HS6ST3: variants seen among roughly 807,000 people sequenced by gnomAD.
HS6ST3 encodes the protein heparan sulfate 6-O-sulfotransferase 3.
In HS6ST3, 12 loss-of-function variants were observed where a neutral mutation model predicts 36.7. That is an observed-to-expected ratio of 0.33 (90% CI 0.21 to 0.53). The LOEUF (loss-of-function observed/expected upper bound fraction) is 0.53. HS6ST3 is among the 20% of genes least tolerant of loss of function. The probability of loss-of-function intolerance (pLI) is 0.95; values close to 1 mark genes in which losing one functional copy is unlikely to be tolerated. For missense variants in HS6ST3, 584 were observed against 640.9 expected (o/e 0.91, Z 0.96); for synonymous variants, 240 against 257.5 (o/e 0.93, Z 0.65).
At chr13:96,514,318 G>A (rs1035013102) in intron 1 of HS6ST3, among the ~76,000 whole-genome samples, 1 of 152,184 alleles carries the variant, frequency 6.6e-6, no homozygotes, top group Non-Finnish European at 1.5e-5. Context: ...TTAATTCAAT[G>A]TGAGATATAA....
At chr13:96,731,309 A>T (rs945203745) in intron 1 of HS6ST3, among the ~76,000 whole-genome samples, 1 of 152,180 alleles carries the variant, frequency 6.6e-6, no homozygotes, top group Non-Finnish European at 1.5e-5. Context: ...ACTTTTTCAT[A>T]TTCCATATAA....
At chr13:96,238,657 G>A (rs1246854799) in intron 1 of HS6ST3, among the ~76,000 whole-genome samples, 2 of 152,192 alleles carry the variant, frequency 1.3e-5, no homozygotes, top group African/African-American at 4.8e-5. Context: ...TTAGGATTAT[G>A]CATATTTGTG....
rs189007208 is a variant in HS6ST3 at position 96,781,270 on chromosome 13, A to G, written c.708-51220A>G. Among the ~76,000 whole-genome samples the G allele has an allele frequency of 3.8e-3, 574 of 152,320 alleles. 8 individuals are homozygous for G. Among genetic ancestry groups the G allele is most frequent in the African/African-American group, 0.013 (527 of 41,566 alleles). On this transcript the variant is annotated intron_variant, in intron 1 of 1. Transcript: ENST00000376705. ...AAGTGCCTCTGTGTGAATTAGGGAA[A>G]GGCACTACACGTCTTCCAAGTGAAC...
At chr13:96,817,988 T>G (rs1878457838) in intron 1 of HS6ST3, among the ~76,000 whole-genome samples, 2 of 152,232 alleles carry the variant, frequency 1.3e-5, no homozygotes, top group Admixed American at 1.3e-4. Context: ...TAAAGATTAT[T>G]TTATCAGATT....
chr13:96,472,618 A>G (rs113621545), intron 1 of HS6ST3, among the ~76,000 whole-genome samples: 2 of 152,120 alleles, frequency 1.3e-5, no homozygotes, highest in South Asian at 2.1e-4. Context: ...TGCTTCGGCC[A>G]TCTGTTCCTT....
At chr13:96,347,776 C>T (rs1594759383) in intron 1 of HS6ST3, among the ~76,000 whole-genome samples, 1 of 152,230 alleles carries the variant, frequency 6.6e-6, no homozygotes, top group Non-Finnish European at 1.5e-5. Flanking sequence ...TATTGGATCC[C>T]AGTCGAATGA....
At chr13:96,663,529 T>G (rs2056653657) in intron 1 of HS6ST3, among the ~76,000 whole-genome samples, 1 of 152,194 alleles carries the variant, frequency 6.6e-6, no homozygotes, top group South Asian at 2.1e-4. Context: ...ATGGAGAAAC[T>G]GAAACTATCA....
chr13:96,317,468 A>G (rs1438669150), intron 1 of HS6ST3, among the ~76,000 whole-genome samples: 1 of 149,172 alleles, frequency 6.7e-6, no homozygotes, highest in African/African-American at 2.5e-5. Context: ...TCCACTATTG[A>G]TGGGCACTTA....
At chr13:96,326,792 C>T (rs1397062153) in intron 1 of HS6ST3, among the ~76,000 whole-genome samples, 3 of 151,670 alleles carry the variant, frequency 2.0e-5, no homozygotes, top group Admixed American at 6.6e-5. Flanking sequence ...TACAGTCCCA[C>T]CAACAGTGTA....
At chr13:96,463,162 A>T (rs1211872254) in intron 1 of HS6ST3, among the ~76,000 whole-genome samples, 1 of 152,180 alleles carries the variant, frequency 6.6e-6, no homozygotes, top group African/African-American at 2.4e-5. Flanking sequence ...TGAAAAAAGA[A>T]AGTGCAGAGA....
At chr13:96,790,942 C>A (rs938547333) in intron 1 of HS6ST3, among the ~76,000 whole-genome samples, 2 of 151,942 alleles carry the variant, frequency 1.3e-5, no homozygotes, top group Admixed American at 1.3e-4. Context: ...TAATAAAATT[C>A]TTTAGTGTTA....
At chr13:96,461,833 C>A (rs1360047277) in intron 1 of HS6ST3, among the ~76,000 whole-genome samples, 1 of 152,030 alleles carries the variant, frequency 6.6e-6, no homozygotes, top group Admixed American at 6.6e-5. Context: ...GCAAGCACAA[C>A]CTTGATACAA....
At chr13:96,604,413 G>T (rs2056431501) in intron 1 of HS6ST3, among the ~76,000 whole-genome samples, 1 of 152,130 alleles carries the variant, frequency 6.6e-6, no homozygotes, top group South Asian at 2.1e-4. Flanking sequence ...GGGTCCTAGT[G>T]CTAGAAAAAG....
At chr13:96,142,867 AAAG>A (rs1332813431) in intron 1 of HS6ST3, among the ~76,000 whole-genome samples, 2 of 152,134 alleles carry the variant, frequency 1.3e-5, no homozygotes, top group Non-Finnish European at 2.9e-5. Flanking sequence ...ATTAGAAAAT[AAAG>A]AAACAGTAAT....
At chr13:96,794,089 C>G (rs1244743366) in intron 1 of HS6ST3, among the ~76,000 whole-genome samples, 1 of 151,976 alleles carries the variant, frequency 6.6e-6, no homozygotes, top group Non-Finnish European at 1.5e-5. Flanking sequence ...CATGTATATA[C>G]CTGACTACTT....
At chr13:96,367,897 C>T (rs981981841) in intron 1 of HS6ST3, among the ~76,000 whole-genome samples, 1 of 152,218 alleles carries the variant, frequency 6.6e-6, no homozygotes, top group African/African-American at 2.4e-5. Flanking sequence ...TACATCCACA[C>T]TGAGCAGCGT....
At chr13:96,831,975 A>AAAAAAAAAAAAAC (rs1566464310) in intron 1 of HS6ST3, among the ~76,000 whole-genome samples, 1 of 148,538 alleles carries the variant, frequency 6.7e-6, no homozygotes, top group African/African-American at 2.5e-5. Context: ...AAAAAAAAAA[A>AAAAAAAAAAAAAC]AAAAACAGAG....
chr13:96,474,934 C>CA (rs1416090222), intron 1 of HS6ST3, among the ~76,000 whole-genome samples: 1 of 152,124 alleles, frequency 6.6e-6, no homozygotes, highest in Non-Finnish European at 1.5e-5. Context: ...GAGGAGAACT[C>CA]AAAACCTGTT....
At chr13:96,248,683 T>C (rs1339224387) in intron 1 of HS6ST3, among the ~76,000 whole-genome samples, 1 of 152,182 alleles carries the variant, frequency 6.6e-6, no homozygotes, top group East Asian at 1.9e-4. Context: ...TTATTCATAT[T>C]TGAGGACATT....
Sources: allele counts gnomAD v4.1 joint callset (sites outside exome capture counted in the v4.1 genomes callset), GRCh38; gene constraint gnomAD v4.1.1; transcripts MANE v1.5; gene names NCBI Gene and HGNC (gene_info 2026-07-23, HGNC 2026-07-21).